Variants in M1AP observed in about 807,000 individuals in gnomAD.
The protein encoded by M1AP is meiosis 1 associated protein.
Under a neutral mutation model 51.2 loss-of-function variants are expected in M1AP, and 39 were observed. The observed-to-expected ratio is 0.76, with a 90% CI of 0.59 to 1.00. M1AP has a LOEUF of 1.00. M1AP is among the 50% of genes least tolerant of loss of function. The pLI is 0.00. For missense variants in M1AP, 545 were observed against 641.2 expected (o/e 0.85, Z 1.62); for synonymous variants, 251 against 249.2 (o/e 1.01, Z -0.07).
At chr2:74,630,499 C>T (rs577301228) in intron 2 of M1AP, among the ~76,000 whole-genome samples, 127 of 152,240 alleles carry the variant, frequency 8.3e-4, no homozygotes, top group African/African-American at 2.7e-3. Flanking sequence ...GCCTCCTCAA[C>T]GGGCCCCAGT....
At chr2:74,637,992 C>A (rs1683080251) in intron 2 of M1AP, among the ~76,000 whole-genome samples, 1 of 152,178 alleles carries the variant, frequency 6.6e-6, no homozygotes, top group African/African-American at 2.4e-5. Flanking sequence ...CTGGCACCCG[C>A]CCCTAGGTTC....
chr2:74,621,149 G>A (rs371896857), intron 2 of M1AP, among the ~76,000 whole-genome samples: 22 of 151,624 alleles, frequency 1.5e-4, no homozygotes, highest in South Asian at 6.2e-4. Flanking sequence ...AGGCGTAGTG[G>A]CGGGCGCCTG....
At chr2:74,561,062 G>GGCA (rs1677896604) in intron 8 of M1AP, among the ~76,000 whole-genome samples, 1 of 56,810 alleles carries the variant, frequency 1.8e-5, no homozygotes, top group African/African-American at 8.1e-5. Flanking sequence ...GGAGGAGGAG[G>GGCA]GGAGGAGGAG....
chr2:74,640,967 T>C (rs1019309170), intron 1 of M1AP, among the ~76,000 whole-genome samples: 1 of 152,260 alleles, frequency 6.6e-6, no homozygotes, highest in Non-Finnish European at 1.5e-5. Flanking sequence ...TGACTGCCTC[T>C]CCCACTATAT....
At chr2:74,599,015 T>C (rs1680519049) in intron 4 of M1AP, among the ~76,000 whole-genome samples, 1 of 152,040 alleles carries the variant, frequency 6.6e-6, no homozygotes, top group South Asian at 2.1e-4. Flanking sequence ...CGGTGGCTCA[T>C]GCCTGTAATC....
chr2:74,611,924 C>T (rs1355303776), intron 3 of M1AP, among the ~76,000 whole-genome samples: 1 of 91,912 alleles, frequency 1.1e-5, no homozygotes, highest in Non-Finnish European at 1.9e-5. Flanking sequence ...GACAGTGTCT[C>T]ACTCTGTCGC....
intron 6 of M1AP, 21 bp downstream of exon 6, chr2:74,576,435 G>A (rs1301157557): frequency 1.9e-6 from 3 of 1,612,040 alleles, no homozygotes; most frequent in Non-Finnish European, 1.7e-6. Context: ...CATGGATTGG[G>A]GAGGTTCCCT....
chr2:74,624,949 T>C (rs1228054158), intron 2 of M1AP, among the ~76,000 whole-genome samples: 1 of 152,196 alleles, frequency 6.6e-6, no homozygotes, highest in African/African-American at 2.4e-5. Context: ...TAAATATATA[T>C]GTAGGATAAG....
intron 8 of M1AP, among the ~76,000 whole-genome samples, chr2:74,561,184 AAGGAGGAGGAGGAGAAGG>A (rs1558643807): frequency 0.028 from 588 of 20,812 alleles, no homozygotes; most frequent in Middle Eastern, 0.1. Context: ...GGAGGAGGAG[AAGGAGGAGGAGGAGAAGG>A]AGGAGGAGGA....
At chr2:74,622,125 T>TA (rs566882982) in intron 2 of M1AP, among the ~76,000 whole-genome samples, 23 of 150,040 alleles carry the variant, frequency 1.5e-4, no homozygotes, top group Admixed American at 6.6e-4. Context: ...ATCTCAAAAT[T>TA]AAAAAAAAAG....
intron 2 of M1AP, among the ~76,000 whole-genome samples, chr2:74,625,034 C>T (rs957001886): frequency 6.6e-6 from 1 of 152,124 alleles, no homozygotes; most frequent in East Asian, 1.9e-4. Context: ...TCTATAATGT[C>T]GATTTATACA....
intron 4 of M1AP, among the ~76,000 whole-genome samples, chr2:74,599,737 T>C (rs943303653): frequency 3.3e-5 from 5 of 152,108 alleles, no homozygotes; most frequent in African/African-American, 1.2e-4. Context: ...AATACATATA[T>C]TCTAGAATAT....
In M1AP at chr2:74,640,099, G is replaced by T. The variant is rs373804877; in HGVS notation, c.177C>A (p.Ser59Arg). The T allele has an allele frequency of 1.2e-5, 19 of 1,614,196 alleles. No homozygotes were observed. The East Asian group carries it at 4.0e-4, about 34-fold the overall frequency. The change falls in exon 2 of 11, where the codon AGC (serine) becomes AGA (arginine). Residue 59 changes from serine to arginine, a missense_variant. Transcript: ENST00000421985. ...TGTATAAACTGAACAGGGACATGCGGCTGGGGCCCATCAAGCTGCAGGCTA... is the reference window on the plus strand; with the variant it reads ...TGTATAAACTGAACAGGGACATGCGTCTGGGGCCCATCAAGCTGCAGGCTA... ...FSLACSLMGP[S>R]RMSLFSLYMV...
intron 3 of M1AP, among the ~76,000 whole-genome samples, chr2:74,608,982 G>A (rs1277886340): frequency 6.6e-6 from 1 of 152,148 alleles, no homozygotes; most frequent in Non-Finnish European, 1.5e-5. Context: ...GGTACAGTGT[G>A]ATGTTTTGAT....
intron 2 of M1AP, among the ~76,000 whole-genome samples, chr2:74,622,463 C>T (rs1477359165): frequency 6.6e-6 from 1 of 151,676 alleles, no homozygotes; most frequent in African/African-American, 2.4e-5. Flanking sequence ...GTCTCAAATT[C>T]CTGACAGGTG....
rs1679506719 is a variant in M1AP, at chr2:74,583,034, AAAAT to A, written c.596-1191_596-1188del. ...TCAAAAGAAAAATAAATAAATAAATAAAATAAATAAAAAATAAAACATGGGAGAA... is the reference window on the plus strand; with the variant it reads ...TCAAAAGAAAAATAAATAAATAAATAAAATAAAAAATAAAACATGGGAGAA... On this transcript the variant is annotated intron_variant, in intron 4 of 10. Coordinates refer to ENST00000421985, the MANE Select transcript of M1AP (RefSeq NM_001321739.2). Among the ~76,000 whole-genome samples the A allele has an allele frequency of 4.6e-5, 7 of 151,826 alleles. No homozygotes were observed. The South Asian group carries it at 1.5e-3, about 31-fold the overall frequency.
At chr2:74,640,425 G>A (rs1169410584) in intron 1 of M1AP, 98 bp from the exon 2 acceptor site, 3 of 1,047,770 alleles carry the variant, frequency 2.9e-6, no homozygotes, top group Non-Finnish European at 4.0e-6. Context: ...ATCCAGAAAG[G>A]AGTCAGATTG....
intron 6 of M1AP, 145 bp from the exon 7 acceptor site, chr2:74,575,724 G>T: frequency 1.6e-6 from 1 of 638,446 alleles, no homozygotes. Flanking sequence ...TGTATGGCCA[G>T]CATCTAGCAT....
At chr2:74,590,512 C>A (rs1407163323) in intron 4 of M1AP, among the ~76,000 whole-genome samples, 1 of 152,162 alleles carries the variant, frequency 6.6e-6, no homozygotes, top group Non-Finnish European at 1.5e-5. Flanking sequence ...CCAAATACTA[C>A]AATTTCAAAT....
Sources: gnomAD v4.1 joint callset for allele counts (sites outside exome capture counted in the v4.1 genomes callset) on GRCh38, gnomAD v4.1.1 for gene constraint, MANE v1.5 for transcripts, NCBI Gene and HGNC (gene_info 2026-07-23, HGNC 2026-07-21) for gene names.